The following RPS6KB1 variants were observed in gnomAD, a reference collection of about 807,000 sequenced individuals.
RPS6KB1 encodes ribosomal protein S6 kinase B1, also known as ribosomal protein S6 kinase beta-1.
RPS6KB1 carries 12 observed loss-of-function variants against 70.2 expected under a neutral mutation model. That is an observed-to-expected ratio of 0.17 (90% CI 0.11 to 0.28). RPS6KB1 has a LOEUF of 0.28. Ranked by LOEUF, RPS6KB1 falls within the 10% of genes least tolerant of loss-of-function variation. RPS6KB1 has a pLI of 1.00. For synonymous variants in RPS6KB1, 175 were observed against 211.2 expected (o/e 0.83, Z 1.49); for missense variants, 270 against 646.6 (o/e 0.42, Z 6.32).
chr17:59,896,690 G>A (rs777504052), intron 1 of RPS6KB1, among the ~76,000 whole-genome samples: 29 of 152,232 alleles, frequency 1.9e-4, no homozygotes, highest in Non-Finnish European at 2.6e-4. Flanking sequence ...ATATGGCCCC[G>A]ATTTTGGGGA....
chr17:59,918,219 AC>A (rs1433315848), intron 4 of RPS6KB1, among the ~76,000 whole-genome samples: 1 of 152,238 alleles, frequency 6.6e-6, no homozygotes, highest in Non-Finnish European at 1.5e-5. Flanking sequence ...GGCGTAAGCC[AC>A]TGTGCCCAGC....
intron 4 of RPS6KB1, among the ~76,000 whole-genome samples, chr17:59,918,207 C>T (rs913724578): frequency 1.9e-4 from 29 of 152,190 alleles, no homozygotes; most frequent in African/African-American, 6.8e-4. Flanking sequence ...GCTGGGATTA[C>T]AGGCGTAAGC....
intron 1 of RPS6KB1, among the ~76,000 whole-genome samples, chr17:59,905,315 G>GCTTT (rs1438164840): frequency 3.9e-5 from 6 of 152,006 alleles, no homozygotes; most frequent in Non-Finnish European, 8.8e-5. Flanking sequence ...GTCTCTTTGA[G>GCTTT]CTTTCTTGAT....
chr17:59,904,394 T>C (rs2042139291), intron 1 of RPS6KB1, among the ~76,000 whole-genome samples: 1 of 151,374 alleles, frequency 6.6e-6, no homozygotes. Flanking sequence ...TAATTCTTTA[T>C]GTATCATTTT....
intron 10 of RPS6KB1, among the ~76,000 whole-genome samples, chr17:59,935,538 G>A (rs1017257051): frequency 1.3e-5 from 2 of 151,464 alleles, no homozygotes; most frequent in Non-Finnish European, 2.9e-5. Flanking sequence ...GCAGTGGTGC[G>A]ATCTTGGCTC....
chr17:59,932,880 T>C (rs765615553), intron 7 of RPS6KB1, among the ~76,000 whole-genome samples: 2 of 152,190 alleles, frequency 1.3e-5, no homozygotes, highest in Non-Finnish European at 2.9e-5. Context: ...TTGCTGTTTG[T>C]TTGTAACAAC....
chr17:59,908,860 C>T (rs1598686238), intron 1 of RPS6KB1, among the ~76,000 whole-genome samples: 2 of 141,790 alleles, frequency 1.4e-5, no homozygotes, highest in South Asian at 2.2e-4. Context: ...CCTCGTGATC[C>T]GCCCGCCTCG....
Position 59,914,619 on chromosome 17 carries a change from C to CT in RPS6KB1, c.313-8dup, listed in dbSNP as rs755180004. ...ATAGTTTGCCTTTGAATAACACACA[C>CT]TTTTTTTTAATCCAGGTTTTTCAAG... On this transcript the variant is annotated splice_polypyrimidine_tract_variant and intron_variant, in intron 3 of 14. Transcript: ENST00000225577. The CT allele has an allele frequency of 7.5e-6, 12 of 1,604,922 alleles. No homozygotes were observed. Among genetic ancestry groups the CT allele is most frequent in the East Asian group, 2.2e-5 (1 of 44,800 alleles).
At chr17:59,910,680 G>T in intron 2 of RPS6KB1, 69 bp downstream of exon 2, 1 of 972,348 alleles carries the variant, frequency 1.0e-6, no homozygotes, top group South Asian at 1.5e-5. Flanking sequence ...GTTCTATTTC[G>T]TAGCAATCAT....
chr17:59,896,611 G>A (rs755523321), intron 1 of RPS6KB1, among the ~76,000 whole-genome samples: 1 of 152,090 alleles, frequency 6.6e-6, no homozygotes, highest in Non-Finnish European at 1.5e-5. Context: ...CTGGGTACAA[G>A]CAAGTAGGAT....
chr17:59,943,907 C>T (rs7225558), intron 13 of RPS6KB1, among the ~76,000 whole-genome samples: 65,662 of 132,888 alleles, frequency 0.49, 18,247 homozygotes, highest in African/African-American at 0.79. Flanking sequence ...TATATATATA[C>T]ACATATATAT....
chr17:59,934,025 A>T lies in RPS6KB1; in HGVS notation c.689-145A>T. 1 of 638,176 alleles carries T rather than the reference A, an allele frequency of 1.6e-6. No individual in the cohort carries two copies. The highest frequency in any genetic ancestry group is 2.8e-6 in the Non-Finnish European group (1 of 351,198). The allele number at this position is 638,176 out of a possible 1,614,324, so 39.5% of individuals were successfully genotyped here. ...AAACAGTTAGCATCCCATTTTATGG[A>T]TGGTACCTTGTTCTTGACATCTGCA... is the stretch of plus-strand genomic sequence containing the variant. On this transcript the variant is annotated intron_variant, in intron 7 of 14. Transcript: ENST00000225577. This position sits in a 1 kb window ranked among gnomAD's most constrained non-coding sequence, Gnocchi z 4.8.
chr17:59,943,921 TACACACATACATACAC>T (rs2044770093), intron 13 of RPS6KB1, among the ~76,000 whole-genome samples: 1 of 139,682 alleles, frequency 7.2e-6, no homozygotes, highest in African/African-American at 2.6e-5. Flanking sequence ...TATATATATA[TACACACATACATACAC>T]ACACACATAT....
At chr17:59,935,070 A>G (rs1247707756) in intron 9 of RPS6KB1, 123 bp from the exon 10 acceptor site, 3 of 613,276 alleles carry the variant, frequency 4.9e-6, no homozygotes, top group African/African-American at 3.7e-5. Context: ...ATTTCACAGC[A>G]TACATTTCTG....
intron 14 of RPS6KB1, 47 bp downstream of exon 14, chr17:59,945,565 A>G (rs756266054): frequency 5.0e-6 from 5 of 1,004,536 alleles, no homozygotes; most frequent in African/African-American, 3.2e-5. Flanking sequence ...TAAACAACCT[A>G]CAAGAGTGTT....
chr17:59,936,254 C>T lies in RPS6KB1; in HGVS notation c.1018C>T (p.Pro340Ser). 1.3e-6 allele frequency: 2 copies of T among 1,597,186 alleles called. No individual in the cohort carries two copies. Among genetic ancestry groups the T allele is most frequent in the Non-Finnish European group, 8.5e-7 (1 of 1,176,132 alleles). The change falls in exon 11 of 15, where the codon CCT (proline) becomes TCT (serine). Residue 340 changes from proline to serine, a missense_variant. By Grantham distance (74) the Pro-to-Ser change is moderately conservative. Around this residue, in one of 4 missense-constraint regions of RPS6KB1, gnomAD observed 133 missense variants for 314.7 expected, o/e 0.42. Coordinates refer to ENST00000225577, the MANE Select transcript of RPS6KB1 (RefSeq NM_003161.4). ...RNAASRLGAG[P>S]GDAGEVQAHP... Reference sequence around the variant, plus strand: ...TGCTGCTTCTCGTCTGGGAGCTGGTCCTGGGGACGCTGGAGAAGTTCAAGT... The same window carrying T: ...TGCTGCTTCTCGTCTGGGAGCTGGTTCTGGGGACGCTGGAGAAGTTCAAGT...
chr17:59,905,441 A>T (rs1298348650), intron 1 of RPS6KB1, among the ~76,000 whole-genome samples: 1 of 151,814 alleles, frequency 6.6e-6, no homozygotes, highest in Non-Finnish European at 1.5e-5. Context: ...TTTCCCCAGG[A>T]TCATGAAGAT....
chr17:59,919,300 T>C (rs781736631), intron 4 of RPS6KB1, among the ~76,000 whole-genome samples: 15 of 152,044 alleles, frequency 9.9e-5, no homozygotes, highest in Admixed American at 4.6e-4. Context: ...TGAGGCAGGT[T>C]GATCACCTGA....
At position 59,893,178 on chromosome 17, in the gene RPS6KB1, C is replaced by T. The variant is rs746643392; in HGVS notation, c.-7C>T. Reference sequence around the variant, plus strand: ...GCGGCTGTGGTGGCTGCGGCGGGTCCGGGCCCATGAGGCGACGAAGGAGGC... The same window carrying T: ...GCGGCTGTGGTGGCTGCGGCGGGTCTGGGCCCATGAGGCGACGAAGGAGGC... On this transcript the variant is annotated 5_prime_UTR_variant, in exon 1 of 15. Coordinates refer to ENST00000225577, the MANE Select transcript of RPS6KB1 (RefSeq NM_003161.4). The surrounding 1 kb of genome is among the most constrained non-coding windows in gnomAD (Gnocchi z 4.1). 1.1e-5 allele frequency: 17 copies of T among 1,569,224 alleles called. No individual in the cohort carries two copies. The African/African-American group carries it at 1.9e-4, about 17-fold the overall frequency.
Sources: gnomAD v4.1 joint callset for allele counts (sites outside exome capture counted in the v4.1 genomes callset) on GRCh38, gnomAD v4.1.1 for gene constraint, gnomAD v4.1.1 regional missense constraint, Gnocchi (gnomAD v3.1) non-coding constraint, MANE v1.5 for transcripts, NCBI Gene and HGNC (gene_info 2026-07-23, HGNC 2026-07-21) for gene names.